WDR26: variants seen among roughly 807,000 people sequenced by gnomAD.
WDR26 encodes the protein WD repeat domain 26, also known as WD repeat-containing protein 26.
WDR26 carries 5 observed loss-of-function variants against 84.1 expected under a neutral mutation model. The ratio of observed to expected loss-of-function variants is 0.06; its 90% CI spans 0.03 to 0.13. The LOEUF is 0.13. WDR26 is among the 10% of genes least tolerant of loss of function. The pLI is 1.00. For synonymous variants in WDR26, 415 were observed against 389.6 expected (o/e 1.07, Z -0.77); for missense variants, 642 against 974.9 (o/e 0.66, Z 4.55).
rs1005152448 is a variant in WDR26 at position 224,387,589 on chromosome 1, G to C, written c.*2246C>G. 5 of 152,606 alleles carry C rather than the reference G, an allele frequency of 3.3e-5. No individual in the cohort carries two copies. The highest frequency in any genetic ancestry group is 1.2e-4 in the African/African-American group (5 of 41,436). 9.5% of individuals were successfully genotyped at this position (152,606 alleles called of 1,614,324 possible). ...GAAGCACTCTGAAAACTCAGATCTA[G>C]GGGTGGTTAGGTGAAGTAGAGTAGA... is the stretch of plus-strand genomic sequence containing the variant. On this transcript the variant is annotated 3_prime_UTR_variant, in exon 14 of 14. Coordinates refer to ENST00000414423, the MANE Select transcript of WDR26 (RefSeq NM_001379403.1).
chr1:224,418,560 G>A (rs1472572034), intron 5 of WDR26, 144 bp from the exon 6 acceptor site: 4 of 693,816 alleles, frequency 5.8e-6, no homozygotes, highest in East Asian at 3.0e-5. Flanking sequence ...TATGCGATAC[G>A]TGAGCTTTAC....
At chr1:224,413,199 CAACAAAA>C in intron 6 of WDR26, 1 of 842,776 alleles carries the variant, frequency 1.2e-6, no homozygotes, top group African/African-American at 1.8e-5. Flanking sequence ...ACAACAACAA[CAACAAAA>C]ACCCCCCCCC....
intron 3 of WDR26, chr1:224,429,369 A>C (rs1045164444): frequency 1.3e-5 from 2 of 152,174 alleles, no homozygotes; most frequent in Non-Finnish European, 2.9e-5. Context: ...AATAAAGTAC[A>C]ATTTTAGTCT....
chr1:224,418,808 A>G (rs777138595), intron 5 of WDR26, among the ~76,000 whole-genome samples: 1 of 152,248 alleles, frequency 6.6e-6, no homozygotes, highest in Non-Finnish European at 1.5e-5. Context: ...AAATGTTGCA[A>G]TAGGTTAAGT....
At chr1:224,428,406 A>G (rs1359879000) in intron 3 of WDR26, among the ~76,000 whole-genome samples, 6 of 152,214 alleles carry the variant, frequency 3.9e-5, no homozygotes, top group African/African-American at 1.4e-4. Flanking sequence ...AATTATATCT[A>G]AACTTGGCAC....
chr1:224,403,803 G>T (rs1342256712), intron 8 of WDR26, among the ~76,000 whole-genome samples: 2 of 152,130 alleles, frequency 1.3e-5, no homozygotes, highest in African/African-American at 4.8e-5. Flanking sequence ...CAGGCGTTGT[G>T]GCGGGTGCCT....
rs1673189322 is a variant in WDR26, at chr1:224,393,880, G to A, written c.2208C>T (p.Gly736=). 2 of 1,588,686 alleles carry A rather than the reference G, an allele frequency of 1.3e-6. No homozygotes were observed. Among genetic ancestry groups the A allele is most frequent in the Non-Finnish European group, 1.7e-6 (2 of 1,160,162 alleles). Residue 736 remains glycine (G), a synonymous_variant, in exon 13 of 14, where the codon GGC becomes GGT. Transcript: ENST00000414423. ...GTGCTGGTCCCCATATTCTAACAGT[G>A]CCATCATCTGAGGCGCTGGCCATCA...
intron 4 of WDR26, among the ~76,000 whole-genome samples, chr1:224,422,647 A>C (rs1237484475): frequency 2.0e-5 from 3 of 152,032 alleles, no homozygotes; most frequent in African/African-American, 7.2e-5. Context: ...CCAGGAGGCG[A>C]AGGCTGCAGT....
intron 3 of WDR26, chr1:224,429,464 T>C (rs1403813246): frequency 6.6e-6 from 1 of 152,182 alleles, no homozygotes; most frequent in East Asian, 1.9e-4. Flanking sequence ...TAAGATATTA[T>C]TACAAATTTA....
chr1:224,433,801 G>A lies in WDR26; in HGVS notation c.605C>T (p.Ser202Phe). 9.1e-6 allele frequency: 14 copies of A among 1,536,992 alleles called. No homozygotes were observed. Among genetic ancestry groups the A allele is most frequent in the Non-Finnish European group, 1.2e-5 (14 of 1,146,806 alleles). The change falls in exon 1 of 14, where the codon TCC (serine) becomes TTC (phenylalanine). Residue 202 changes from serine to phenylalanine, a missense_variant. This residue lies in a region of WDR26 where 291 missense variants were observed against 302.1 expected (regional missense o/e 0.96). Coordinates refer to ENST00000414423, the MANE Select transcript of WDR26 (RefSeq NM_001379403.1). ...CAGTTCTGGGGTGGCCAAGGAAGAG[G>A]AGGCGGCGGTGGTGGCGGAGGCAGC... is the stretch of plus-strand genomic sequence containing the variant.
intron 13 of WDR26, 34 bp from the exon 14 acceptor site, chr1:224,389,894 GGGC>G: frequency 2.3e-6 from 3 of 1,320,802 alleles, no homozygotes; most frequent in Non-Finnish European, 3.1e-6. Flanking sequence ...TATGGGGGGC[GGGC>G]GGGGGAGGGA....
chr1:224,391,860 C>T (rs1439561998), intron 13 of WDR26, among the ~76,000 whole-genome samples: 1 of 152,126 alleles, frequency 6.6e-6, no homozygotes, highest in African/African-American at 2.4e-5. Context: ...TCTGGTTATA[C>T]AAGTACTGTT....
At chr1:224,390,038 G>C (rs1673080749) in intron 13 of WDR26, among the ~76,000 whole-genome samples, 178 bp from the exon 14 acceptor site, 1 of 152,146 alleles carries the variant, frequency 6.6e-6, no homozygotes, top group Non-Finnish European at 1.5e-5. Context: ...TTAAAACAAT[G>C]TCTGTATCAT....
chr1:224,393,583 T>C (rs551086474), intron 13 of WDR26, among the ~76,000 whole-genome samples: 9 of 152,338 alleles, frequency 5.9e-5, no homozygotes, highest in Non-Finnish European at 1.0e-4. Context: ...AATAGCTAAC[T>C]GGATGTCAAT....
chr1:224,417,075 C>G (rs931442228), intron 6 of WDR26, among the ~76,000 whole-genome samples: 2 of 152,072 alleles, frequency 1.3e-5, no homozygotes, highest in Admixed American at 1.3e-4. Flanking sequence ...TTTTGTACTT[C>G]AAGTAGGGAG....
intron 8 of WDR26, 114 bp downstream of exon 8, chr1:224,404,316 G>A (rs1673496039): frequency 7.1e-6 from 9 of 1,272,794 alleles, no homozygotes; most frequent in South Asian, 5.5e-5. Context: ...AAGAGATACA[G>A]TATAGTAATT....
At position 224,388,038 on chromosome 1, in the gene WDR26, C is replaced by G. The variant is rs76591934; in HGVS notation, c.*1797G>C. The G allele has an allele frequency of 0.019, 2,918 of 152,650 alleles. 27 individuals carry two copies. The highest frequency in any genetic ancestry group is 0.03 in the Non-Finnish European group (2,026 of 68,010). 9.5% of individuals were successfully genotyped at this position (152,650 alleles called of 1,614,324 possible). ...TTTTACATACCAATTTGATAAGAGT[C>G]TGCTGACCACGATCTGTCATTTTCT... On this transcript the variant is annotated 3_prime_UTR_variant, in exon 14 of 14. Coordinates refer to ENST00000414423, the MANE Select transcript of WDR26 (RefSeq NM_001379403.1).
chr1:224,416,805 T>C (rs995644442), intron 6 of WDR26, among the ~76,000 whole-genome samples: 2 of 152,222 alleles, frequency 1.3e-5, no homozygotes, highest in Non-Finnish European at 2.9e-5. Flanking sequence ...ATTTTAACAC[T>C]GTTCTCAAAT....
rs201845991 is a variant in WDR26 at position 224,392,901 on chromosome 1, TA to T, written c.2260+926del. ...GAGAGCAATTAGTCATCTTTCTCAC[TA>T]AAAAAAAAAAAAAAATTTAGGTGGG... On this transcript the variant is annotated intron_variant, in intron 13 of 13. Transcript: ENST00000414423. Among the ~76,000 whole-genome samples the T allele has an allele frequency of 4.8e-3, 645 of 134,144 alleles. 2 individuals carry two copies. The highest frequency in any genetic ancestry group is 0.021 in the East Asian group (98 of 4,712). 88.0% of individuals were successfully genotyped at this position (134,144 alleles called of 152,430 possible). A position where few individuals can be genotyped will look rare whatever the true frequency, so the allele number is the denominator to read the frequency against.
Sources: gnomAD v4.1 joint callset for allele counts (sites outside exome capture counted in the v4.1 genomes callset) on GRCh38, gnomAD v4.1.1 for gene constraint, gnomAD v4.1.1 regional missense constraint, MANE v1.5 for transcripts, NCBI Gene and HGNC (gene_info 2026-07-23, HGNC 2026-07-21) for gene names.